TTLL6: variants seen among roughly 807,000 people sequenced by gnomAD.
TTLL6 encodes the protein tubulin polyglutamylase TTLL6.
In TTLL6, 75 loss-of-function variants were observed where a neutral mutation model predicts 96.4. That is an observed-to-expected ratio of 0.78 (90% confidence interval 0.65 to 0.94). The LOEUF is 0.94. TTLL6 is among the 40% of genes least tolerant of loss of function. The pLI is 0.00. For synonymous variants in TTLL6, 411 were observed against 419.4 expected (o/e 0.98, Z 0.24); for missense variants, 1,030 against 1,093.0 (o/e 0.94, Z 0.81).
rs2039530843 is a variant in TTLL6 at position 48,808,095 on chromosome 17, C to T, written c.104-3104G>A. 2.6e-5 allele frequency among the ~76,000 whole-genome samples: 4 copies of T among 152,278 alleles called. No homozygotes were observed. In the South Asian group the frequency reaches 8.3e-4, roughly 32 times the overall value. ...CCTCGTGATCCGCCTGCCTCGGCCT[C>T]CCAAAGTGCTGGGATTACAGGCGTG... On this transcript the variant is annotated intron_variant, in intron 1 of 15. Coordinates refer to ENST00000393382, the MANE Select transcript of TTLL6 (RefSeq NM_001130918.3).
chr17:48,766,035 T>G (rs890081056), intron 15 of TTLL6, among the ~76,000 whole-genome samples: 2 of 152,202 alleles, frequency 1.3e-5, no homozygotes, highest in Admixed American at 6.5e-5. Context: ...TACCAGAGCT[T>G]CTTGGGGAAT....
Position 48,772,338 on chromosome 17 carries a change from G to A in TTLL6, c.2041-2241C>T, listed in dbSNP as rs75172362. Among the ~76,000 whole-genome samples, 1,251 of 151,960 alleles carry A rather than the reference G, an allele frequency of 8.2e-3. 14 individuals are homozygous for A. The highest frequency in any genetic ancestry group is 0.054 in the South Asian group (261 of 4,802). ...TATTGCTTAAAAAATTAAAATAATA[G>A]ATAAATAAAAATAAAGAAATAAAAT... On this transcript the variant is annotated intron_variant, in intron 13 of 15. Transcript: ENST00000393382.
Position 48,769,201 on chromosome 17 carries a change from T to C in TTLL6, c.2464A>G (p.Lys822Glu). The C allele has an allele frequency of 6.2e-7, 1 of 1,613,550 alleles. No individual in the cohort carries two copies. Among genetic ancestry groups the C allele is most frequent in the Non-Finnish European group, 8.5e-7 (1 of 1,179,642 alleles). ...AGGGAGGACACATCCAGCTGCCTCT[T>C]CTCGCCAGAGCTGTCACTGCGGGAG... Reference protein sequence around the residue: ...CHSRSDSSGEKRQLDVSSLLL... With the variant: ...CHSRSDSSGEERQLDVSSLLL... Residue 822 changes from lysine (K) to glutamate (E), a missense_variant, in exon 15 of 16, where the codon AAG (lysine) becomes GAG (glutamate). By Grantham distance (56) the Lys-to-Glu change is moderately conservative. Transcript: ENST00000393382.
intron 2 of TTLL6, 64 bp from the exon 3 acceptor site, chr17:48,803,992 T>A: frequency 6.5e-7 from 1 of 1,527,634 alleles, no homozygotes; most frequent in Middle Eastern, 1.7e-4. Context: ...CAAGTGACTG[T>A]ATCCAGAAAC....
At chr17:48,786,121 G>T (rs2039086241) in intron 12 of TTLL6, 43 bp downstream of exon 12, 1 of 1,611,424 alleles carries the variant, frequency 6.2e-7, no homozygotes, top group Admixed American at 1.7e-5. Context: ...GGCCCAGGTG[G>T]GGAAGGGTGT....
chr17:48,804,670 G>A, intron 2 of TTLL6, 102 bp downstream of exon 2: 2 of 997,820 alleles, frequency 2.0e-6, no homozygotes, highest in Non-Finnish European at 3.0e-6. Context: ...TCAGCACACA[G>A]TTTCTCCTTT....
rs571399220 is a variant in TTLL6, at chr17:48,801,447, C to T, written c.481-62G>A. 31 of 1,550,898 alleles carry T rather than the reference C, an allele frequency of 2.0e-5. 1 individual carries two copies. Among genetic ancestry groups the T allele is most frequent in the East Asian group, 9.8e-5 (4 of 40,896 alleles). On this transcript the variant is annotated intron_variant, in intron 4 of 15. Transcript: ENST00000393382. ...ACATGGGAGTACTACAAGATCTCCT[C>T]GGGAGACAGGTGTAAAAATGGGGCC...
At chr17:48,791,303 G>T (rs1273653946) in intron 9 of TTLL6, 75 bp downstream of exon 9, 2 of 1,324,274 alleles carry the variant, frequency 1.5e-6, no homozygotes, top group Non-Finnish European at 2.1e-6. Flanking sequence ...AGGTGAGCCA[G>T]GAGGGCGGAA....
At chr17:48,803,972 C>T (rs2039466662) in intron 2 of TTLL6, 44 bp from the exon 3 acceptor site, 2 of 1,546,438 alleles carry the variant, frequency 1.3e-6, no homozygotes, top group Admixed American at 2.0e-5. Context: ...CAGAGACACA[C>T]TTGCCAGAAC....
intron 3 of TTLL6, 130 bp from the exon 4 acceptor site, chr17:48,801,773 A>G: frequency 1.5e-6 from 1 of 669,934 alleles, no homozygotes; most frequent in Non-Finnish European, 2.6e-6. Flanking sequence ...ACTGGAAGCC[A>G]TCTTGCCCTC....
At chr17:48,784,450 C>T (rs2039049559) in intron 13 of TTLL6, among the ~76,000 whole-genome samples, 1 of 151,966 alleles carries the variant, frequency 6.6e-6, no homozygotes, top group Admixed American at 6.6e-5. Flanking sequence ...GAGAAGAAAG[C>T]CACATGACAC....
At chr17:48,804,009 T>C in intron 2 of TTLL6, 81 bp from the exon 3 acceptor site, 1 of 1,487,344 alleles carries the variant, frequency 6.7e-7, no homozygotes, top group Non-Finnish European at 9.1e-7. Context: ...AAACATCCTG[T>C]CCCAGGTGGA....
chr17:48,809,581 A>T (rs1473190430), intron 1 of TTLL6, among the ~76,000 whole-genome samples: 1 of 152,182 alleles, frequency 6.6e-6, no homozygotes, highest in Non-Finnish European at 1.5e-5. Context: ...AGAGTAAGCC[A>T]GGTGCAGTGG....
intron 6 of TTLL6, 122 bp from the exon 7 acceptor site, chr17:48,797,326 G>T: frequency 9.4e-7 from 1 of 1,063,200 alleles, no homozygotes. Flanking sequence ...TGGAGGGCAG[G>T]CTTGTCCAGG....
chr17:48,765,167 T>C (rs1320079133), intron 15 of TTLL6, among the ~76,000 whole-genome samples: 1 of 152,100 alleles, frequency 6.6e-6, no homozygotes, highest in African/African-American at 2.4e-5. Flanking sequence ...ATCCCAGAGC[T>C]TTGGGAAGCT....
chr17:48,799,777 G>A lies in TTLL6; in HGVS notation c.612-17C>T. 3.2e-6 allele frequency: 5 copies of A among 1,549,736 alleles called. No individual in the cohort carries two copies. Among genetic ancestry groups the A allele is most frequent in the Non-Finnish European group, 4.4e-6 (5 of 1,145,746 alleles). Reference sequence around the variant, plus strand: ...TCTCCCCAGCTACCAGAGCAGGGAGGGAACAAGATACATCTTTAGCTGGGG... The same window carrying A: ...TCTCCCCAGCTACCAGAGCAGGGAGAGAACAAGATACATCTTTAGCTGGGG... On this transcript the variant is annotated splice_polypyrimidine_tract_variant and intron_variant, in intron 5 of 15. Coordinates refer to ENST00000393382, the MANE Select transcript of TTLL6 (RefSeq NM_001130918.3).
chr17:48,797,241 G>A, intron 6 of TTLL6, 37 bp from the exon 7 acceptor site: 2 of 1,524,150 alleles, frequency 1.3e-6, no homozygotes, highest in African/African-American at 1.4e-5. Context: ...ATGCATTAGA[G>A]GAGAAATTTA....
At chr17:48,803,792 G>A (rs1042369381) in intron 3 of TTLL6, 99 bp downstream of exon 3, 38 of 1,208,310 alleles carry the variant, frequency 3.1e-5, no homozygotes, top group Non-Finnish European at 4.0e-5. Context: ...TTGAAGATAC[G>A]CCCTTTCATC....
chr17:48,784,894 T>A, intron 13 of TTLL6, 29 bp downstream of exon 13: 1 of 1,592,240 alleles, frequency 6.3e-7, no homozygotes, highest in Non-Finnish European at 8.6e-7. Flanking sequence ...CTCCCACCAC[T>A]CCCTCCCAGA....
Sources: allele counts gnomAD v4.1 joint callset (sites outside exome capture counted in the v4.1 genomes callset), GRCh38; gene constraint gnomAD v4.1.1; transcripts MANE v1.5; gene names NCBI Gene and HGNC (gene_info 2026-07-23, HGNC 2026-07-21).